OSBP2: variants seen among roughly 807,000 people sequenced by gnomAD.
OSBP2 encodes the protein oxysterol-binding protein 2.
OSBP2 carries 66 observed loss-of-function variants against 96.0 expected under a neutral mutation model. That is an observed-to-expected ratio of 0.69 (90% CI 0.56 to 0.84). OSBP2 has a LOEUF of 0.84. OSBP2 is among the 40% of genes least tolerant of loss of function. The pLI is 0.00. For synonymous variants in OSBP2, 525 were observed against 520.9 expected, an observed-to-expected ratio of 1.01 and a Z score of -0.11; for missense variants, 1,038 against 1,222.7, an observed-to-expected ratio of 0.85 and a Z score of 2.25.
upstream of OSBP2, chr22:30,694,192 T>C (rs766004977): frequency 1.6e-5 from 25 of 1,550,118 alleles, 1 homozygote; most frequent in South Asian, 2.7e-4. Flanking sequence ...CAAAAAGTCT[T>C]CCCCTATTTG....
At chr22:30,885,346 T>C (rs1328385722) in intron 3 of OSBP2, among the ~76,000 whole-genome samples, 5 of 152,000 alleles carry the variant, frequency 3.3e-5, no homozygotes, top group Non-Finnish European at 7.4e-5. Flanking sequence ...AATCCAGAGG[T>C]TCCTAGATTT....
chr22:30,732,299 T>C (rs136360), intron 1 of OSBP2, among the ~76,000 whole-genome samples: 131,462 of 152,116 alleles, frequency 0.86, 57,030 homozygotes, highest in East Asian at 0.97. Context: ...AGTGAAACTC[T>C]GTCTCAAAAA....
chr22:30,715,316 G>A lies in OSBP2; in HGVS notation c.644+19763G>A, dbSNP rs184690649. 3.1e-3 allele frequency among the ~76,000 whole-genome samples: 464 copies of A among 150,252 alleles called. 1 individual carries two copies. The highest frequency in any genetic ancestry group is 0.01 in the African/African-American group (431 of 41,102). ...TAATGGATGTGAGATGGTATCTATT[G>A]TGGTTTTGATTTGCATTTCTGTGAT... On this transcript the variant is annotated intron_variant, in intron 1 of 13. Coordinates refer to ENST00000332585, the MANE Select transcript of OSBP2 (RefSeq NM_030758.4).
intron 1 of OSBP2, among the ~76,000 whole-genome samples, chr22:30,700,203 A>T (rs2089134380): frequency 6.6e-6 from 1 of 151,940 alleles, no homozygotes; most frequent in Non-Finnish European, 1.5e-5. Context: ...TGACCTCGTG[A>T]TCCGCTTGCC....
chr22:30,861,231 C>T (rs2147086817), intron 2 of OSBP2, among the ~76,000 whole-genome samples: 1 of 152,312 alleles, frequency 6.6e-6, no homozygotes, highest in Middle Eastern at 3.4e-3. Flanking sequence ...GATGGAGTTT[C>T]TGCCACAGCA....
chr22:30,893,833 G>C lies in OSBP2; in HGVS notation c.2207G>C (p.Ser736Thr), dbSNP rs764983988. The C allele has an allele frequency of 3.1e-6, 5 of 1,591,410 alleles. No homozygotes were observed. The Admixed American group carries it at 9.1e-5, about 29-fold the overall frequency. The change falls in exon 12 of 14, where the codon AGT becomes ACT. Residue 736 changes from serine (S) to threonine (T), a missense_variant. Physicochemically the swap from Ser to Thr is moderately conservative, Grantham distance 58. This residue lies in a region of OSBP2 where 737 missense variants were observed against 913.3 expected (regional missense o/e 0.81). Coordinates refer to ENST00000332585, the MANE Select transcript of OSBP2 (RefSeq NM_030758.4). Reference protein sequence around the residue: ...EAARKVTGVVSDSQGKAHYVL... With the variant: ...EAARKVTGVVTDSQGKAHYVL... ...TGTCCACAGGTGACAGGAGTGGTGA[G>C]TGACAGCCAGGGCAAGGCCCATTAC...
chr22:30,867,087 G>A (rs566421828), intron 2 of OSBP2, among the ~76,000 whole-genome samples: 1 of 152,284 alleles, frequency 6.6e-6, no homozygotes, highest in East Asian at 1.9e-4. Context: ...GCCTGCCTAT[G>A]ACGGGTAGTT....
At chr22:30,831,914 T>C (rs5753338) in intron 2 of OSBP2, among the ~76,000 whole-genome samples, 83,820 of 152,012 alleles carry the variant, frequency 0.55, 24,369 homozygotes, top group African/African-American at 0.74. Context: ...CTGATCTCCT[T>C]GGCCCAAAGT....
chr22:30,795,460 G>A (rs2090743835), intron 2 of OSBP2, among the ~76,000 whole-genome samples: 1 of 150,694 alleles, frequency 6.6e-6, no homozygotes, highest in South Asian at 2.1e-4. Flanking sequence ...ATGTCTTTAT[G>A]CACTCTTCTA....
At position 30,870,757 on chromosome 22, in the gene OSBP2, G is replaced by C; in HGVS notation, c.1107+75G>C. The C allele has an allele frequency of 1.3e-6, 2 of 1,513,968 alleles. No homozygotes were observed. The highest frequency in any genetic ancestry group is 1.8e-6 in the Non-Finnish European group (2 of 1,110,310). The allele number at this position is 1,513,968 out of a possible 1,614,324, so 93.8% of individuals were successfully genotyped here. A position where few individuals can be genotyped will look rare whatever the true frequency, so the allele number is the denominator to read the frequency against. ...CCGGGGTCCCTCGGTGGGTGACCAG[G>C]GTCAGCTTGAAGGGTCAGCGTTCCA... On this transcript the variant is annotated intron_variant, in intron 3 of 13. Transcript: ENST00000332585. This position sits in a 1 kb window ranked among gnomAD's most constrained non-coding sequence, Gnocchi z 4.1.
At chr22:30,897,389 A>G (rs1234260196) in intron 12 of OSBP2, among the ~76,000 whole-genome samples, 1 of 152,202 alleles carries the variant, frequency 6.6e-6, no homozygotes, top group Non-Finnish European at 1.5e-5. Flanking sequence ...CATGGATGCA[A>G]CTCTGAGAAC....
chr22:30,768,601 C>T (rs1264111704), intron 2 of OSBP2, among the ~76,000 whole-genome samples: 1 of 151,620 alleles, frequency 6.6e-6, no homozygotes, highest in Non-Finnish European at 1.5e-5. Context: ...CGCTTGAACC[C>T]GGGAGGCCCA....
At chr22:30,798,446 A>G (rs543770534) in intron 2 of OSBP2, among the ~76,000 whole-genome samples, 24 of 152,194 alleles carry the variant, frequency 1.6e-4, no homozygotes, top group East Asian at 9.6e-4. Context: ...CATTTTGTCT[A>G]TTTTTGTTAT....
At chr22:30,885,859 A>G (rs955617896) in intron 3 of OSBP2, among the ~76,000 whole-genome samples, 2 of 152,218 alleles carry the variant, frequency 1.3e-5, no homozygotes, top group African/African-American at 2.4e-5. Context: ...CTGTTCCCCA[A>G]CTGGCATCCT....
At chr22:30,751,512 G>A (rs1352257175) in intron 2 of OSBP2, among the ~76,000 whole-genome samples, 1 of 151,982 alleles carries the variant, frequency 6.6e-6, no homozygotes, top group Admixed American at 6.6e-5. Flanking sequence ...CCACCACCAC[G>A]CCTGGCTAGT....
Position 30,888,261 on chromosome 22 carries a change from G to T in OSBP2, c.1339G>T (p.Asp447Tyr). The T allele has an allele frequency of 6.2e-7, 1 of 1,613,528 alleles. No homozygotes were observed. Among genetic ancestry groups the T allele is most frequent in the Non-Finnish European group, 8.5e-7 (1 of 1,179,470 alleles). The change falls in exon 5 of 14, where the codon GAT becomes TAT. Residue 447 changes from aspartate to tyrosine, a missense_variant. Coordinates refer to ENST00000332585, the MANE Select transcript of OSBP2 (RefSeq NM_030758.4). ...TCCCAAAGGAGAGGACAGTGAGGAA[G>T]ATGAAGATACCGAGTACTTTGATGC... ...LTPKGEDSEEDEDTEYFDAME... is the reference protein window; with the variant it reads ...LTPKGEDSEEYEDTEYFDAME...
chr22:30,787,490 T>C (rs1825963747), intron 2 of OSBP2, among the ~76,000 whole-genome samples: 1 of 152,032 alleles, frequency 6.6e-6, no homozygotes, highest in South Asian at 2.1e-4. Flanking sequence ...ATGACCAACA[T>C]GGTGAAACCC....
intron 1 of OSBP2, among the ~76,000 whole-genome samples, chr22:30,720,670 C>CA (rs1418161183): frequency 6.6e-6 from 1 of 151,984 alleles, no homozygotes; most frequent in Non-Finnish European, 1.5e-5. Context: ...CTATTTGAAA[C>CA]AAAAAGGGAA....
chr22:30,832,667 C>A (rs1358521606), intron 2 of OSBP2, among the ~76,000 whole-genome samples: 1 of 152,196 alleles, frequency 6.6e-6, no homozygotes, highest in African/African-American at 2.4e-5. Flanking sequence ...AAATGCCAGG[C>A]TCTTTCTGTG....
Sources: gnomAD v4.1 joint callset for allele counts (sites outside exome capture counted in the v4.1 genomes callset) on GRCh38, gnomAD v4.1.1 for gene constraint, gnomAD v4.1.1 regional missense constraint, Gnocchi (gnomAD v3.1) non-coding constraint, MANE v1.5 for transcripts, NCBI Gene and HGNC (gene_info 2026-07-23, HGNC 2026-07-21) for gene names.